CHCHD6: variants seen among roughly 807,000 people sequenced by gnomAD.
CHCHD6 encodes MICOS complex subunit MIC25.
A neutral mutation model predicts 32.3 loss-of-function variants in CHCHD6; 28 were observed. That is an observed-to-expected ratio of 0.87 (90% CI 0.64 to 1.19). The LOEUF is 1.19. Among genes scored for constraint, CHCHD6 ranks in the 50% most tolerant of loss-of-function variants. CHCHD6 has a pLI of 0.00. For missense variants in CHCHD6, 333 were observed against 307.0 expected, an observed-to-expected ratio of 1.08 and a Z score of -0.63; for synonymous variants, 122 against 117.5, an observed-to-expected ratio of 1.04 and a Z score of -0.25.
rs920994877 is a variant in CHCHD6 at position 126,822,028 on chromosome 3, A to G, written c.412-30619A>G. Among the ~76,000 whole-genome samples the G allele has an allele frequency of 2.6e-5, 4 of 152,250 alleles. No individual in the cohort carries two copies. In the South Asian group the frequency reaches 8.3e-4, roughly 32 times the overall value. Reference sequence around the variant, plus strand: ...TATGGGGTAACTTTTTGCTTTCTTCATGGTGTGTTTTGAAGCACAAAGGTT... The same window carrying G: ...TATGGGGTAACTTTTTGCTTTCTTCGTGGTGTGTTTTGAAGCACAAAGGTT... On this transcript the variant is annotated intron_variant, in intron 4 of 7. Coordinates refer to ENST00000290913, the MANE Select transcript of CHCHD6 (RefSeq NM_032343.3).
intron 6 of CHCHD6, among the ~76,000 whole-genome samples, chr3:126,929,316 C>CT (rs1392021239): frequency 6.6e-6 from 1 of 152,184 alleles, no homozygotes; most frequent in Non-Finnish European, 1.5e-5. Context: ...TGGCTGATCT[C>CT]TGTCAGCAGC....
intron 4 of CHCHD6, among the ~76,000 whole-genome samples, chr3:126,809,343 A>G (rs1192795060): frequency 6.6e-6 from 1 of 152,156 alleles, no homozygotes; most frequent in East Asian, 1.9e-4. Context: ...GCTTGTCTTC[A>G]GGATTGTACT....
chr3:126,864,481 C>G (rs974685344), intron 5 of CHCHD6, among the ~76,000 whole-genome samples: 5 of 151,166 alleles, frequency 3.3e-5, no homozygotes, highest in Non-Finnish European at 7.4e-5. Flanking sequence ...CCTCCATCAC[C>G]ACCAGCTGCA....
At position 126,720,603 on chromosome 3, in the gene CHCHD6, A is replaced by T. The variant is rs926956713; in HGVS notation, c.88-6475A>T. Among the ~76,000 whole-genome samples the T allele has an allele frequency of 5.3e-5, 8 of 152,344 alleles. No homozygotes were observed. In the South Asian group the frequency reaches 1.7e-3, roughly 32 times the overall value. ...ACCAGCACATGTTTCCTGAAAATTT[A>T]AAAATGAGCTCTTAGCCAGTTTCAG... On this transcript the variant is annotated intron_variant, in intron 1 of 7. Coordinates refer to ENST00000290913, the MANE Select transcript of CHCHD6 (RefSeq NM_032343.3).
At chr3:126,938,975 A>G (rs1310469359) in intron 6 of CHCHD6, among the ~76,000 whole-genome samples, 1 of 152,228 alleles carries the variant, frequency 6.6e-6, no homozygotes, top group East Asian at 1.9e-4. Flanking sequence ...AGGAGGTGAA[A>G]GGGCACTAGT....
At chr3:126,734,108 C>T (rs1250742240) in intron 4 of CHCHD6, among the ~76,000 whole-genome samples, 1 of 152,196 alleles carries the variant, frequency 6.6e-6, no homozygotes, top group Non-Finnish European at 1.5e-5. Flanking sequence ...CCTAGAAGCT[C>T]CTGGCAGAAT....
At chr3:126,937,701 T>C (rs2107601637) in intron 6 of CHCHD6, among the ~76,000 whole-genome samples, 1 of 152,338 alleles carries the variant, frequency 6.6e-6, no homozygotes, top group East Asian at 1.9e-4. Flanking sequence ...TGGTCCCTCA[T>C]CAGAGCCTGT....
intron 5 of CHCHD6, among the ~76,000 whole-genome samples, chr3:126,856,413 C>T (rs1483222074): frequency 6.6e-6 from 1 of 152,202 alleles, no homozygotes; most frequent in East Asian, 1.9e-4. Flanking sequence ...TCCAAACACA[C>T]ATTCAGGTGC....
At position 126,733,176 on chromosome 3, in the gene CHCHD6, CG is replaced by C. The variant is rs1559811202; in HGVS notation, c.368del (p.Gly123AlafsTer26). 6.2e-7 allele frequency: 1 copy of C among 1,614,160 alleles called. No individual in the cohort carries two copies. The stretch of plus-strand genomic sequence containing the variant: ...AAGCACTCCAAGGCATCCCTGCCCA[CG>C]GGCGAAGGCAGCATCAGCCATGAGG... ...ATKHSKASLP[T>X]GEGSISHEEQ... On this transcript the variant is annotated frameshift_variant, in exon 4 of 8. Coordinates refer to ENST00000290913, the MANE Select transcript of CHCHD6 (RefSeq NM_032343.3). LOFTEE classifies it high-confidence loss of function.
intron 1 of CHCHD6, 52 bp downstream of exon 1, chr3:126,704,451 G>A (rs1236991867): frequency 3.3e-6 from 4 of 1,199,672 alleles, no homozygotes; most frequent in Non-Finnish European, 4.4e-6. Context: ...GGGCGCGGGG[G>A]GGAGGTGCGG....
At chr3:126,904,533 T>C (rs2077978003) in intron 5 of CHCHD6, among the ~76,000 whole-genome samples, 1 of 152,254 alleles carries the variant, frequency 6.6e-6, no homozygotes, top group Admixed American at 6.5e-5. Flanking sequence ...TCTGTTGCTT[T>C]ACTCTTTGCA....
At chr3:126,933,886 G>T (rs1036013781) in intron 6 of CHCHD6, among the ~76,000 whole-genome samples, 1 of 152,196 alleles carries the variant, frequency 6.6e-6, no homozygotes, top group African/African-American at 2.4e-5. Context: ...AAAACTGATT[G>T]CAGCATCAAA....
At chr3:126,917,674 T>C (rs2078191436) in intron 6 of CHCHD6, among the ~76,000 whole-genome samples, 2 of 152,202 alleles carry the variant, frequency 1.3e-5, no homozygotes, top group South Asian at 4.1e-4. Flanking sequence ...AGAACACATA[T>C]GTTGAAATCT....
At chr3:126,840,461 A>C (rs1472191911) in intron 4 of CHCHD6, among the ~76,000 whole-genome samples, 1 of 152,224 alleles carries the variant, frequency 6.6e-6, no homozygotes, top group African/African-American at 2.4e-5. Flanking sequence ...CTATAGATGA[A>C]CATATTAAGA....
chr3:126,853,689 G>T (rs1433283843), intron 5 of CHCHD6, among the ~76,000 whole-genome samples: 1 of 152,162 alleles, frequency 6.6e-6, no homozygotes, highest in Non-Finnish European at 1.5e-5. Flanking sequence ...GGCCAGAGTT[G>T]ACATGCCATG....
Position 126,953,198 on chromosome 3 carries a change from C to G in CHCHD6, c.567-4218C>G, listed in dbSNP as rs1005525285. Reference sequence around the variant, plus strand: ...GCCTTGCCCCAGGTTTGTCTGATCCCAGAACCTGTGTTCTTTCCACTAGAC... The same window carrying G: ...GCCTTGCCCCAGGTTTGTCTGATCCGAGAACCTGTGTTCTTTCCACTAGAC... On this transcript the variant is annotated intron_variant, in intron 6 of 7. Transcript: ENST00000290913. The G allele has an allele frequency of 8.7e-6, 8 of 924,806 alleles. No homozygotes were observed. In the African/African-American group the frequency reaches 1.4e-4, roughly 17 times the overall value. 57.3% of individuals were successfully genotyped at this position (924,806 alleles called of 1,614,324 possible).
chr3:126,890,182 C>T (rs1348499148), intron 5 of CHCHD6, among the ~76,000 whole-genome samples: 2 of 152,212 alleles, frequency 1.3e-5, no homozygotes, highest in Admixed American at 6.5e-5. Context: ...AGGAGTCTTG[C>T]TGGTGGTAGG....
chr3:126,802,226 T>C (rs376172009), intron 4 of CHCHD6, among the ~76,000 whole-genome samples: 3 of 152,100 alleles, frequency 2.0e-5, no homozygotes, highest in Non-Finnish European at 4.4e-5. Flanking sequence ...ATGACTTTGA[T>C]GAGTTGAGAG....
chr3:126,869,321 A>G (rs1331957756), intron 5 of CHCHD6, among the ~76,000 whole-genome samples: 27 of 101,632 alleles, frequency 2.7e-4, no homozygotes, highest in African/African-American at 8.9e-4. Flanking sequence ...GATGACTGTG[A>G]TGGGGATTAC....
Sources: allele counts gnomAD v4.1 joint callset (sites outside exome capture counted in the v4.1 genomes callset), GRCh38; gene constraint gnomAD v4.1.1; transcripts MANE v1.5; gene names NCBI Gene and HGNC (gene_info 2026-07-23, HGNC 2026-07-21).